Variants in ARHGEF37 observed in about 807,000 individuals in gnomAD.
The protein encoded by ARHGEF37 is Rho guanine nucleotide exchange factor 37.
ARHGEF37 carries 55 observed loss-of-function variants against 71.1 expected under a neutral mutation model. The ratio of observed to expected loss-of-function variants is 0.77; its 90% CI spans 0.62 to 0.97. The LOEUF (loss-of-function observed/expected upper bound fraction) is 0.97, where lower values mean the gene tolerates loss of function less well. Ranked by LOEUF, ARHGEF37 falls within the 50% of genes least tolerant of loss-of-function variation. The probability of loss-of-function intolerance (pLI) is 0.00; values close to 1 mark genes in which losing one functional copy is unlikely to be tolerated. For synonymous variants in ARHGEF37, 327 were observed against 350.6 expected (o/e 0.93, Z 0.75); for missense variants, 765 against 836.8 (o/e 0.91, Z 1.06).
intron 9 of ARHGEF37, 67 bp downstream of exon 9, chr5:149,622,129 A>C: frequency 6.9e-7 from 1 of 1,456,810 alleles, no homozygotes; most frequent in South Asian, 1.4e-5. Context: ...CCCATCAGCC[A>C]GCTGTGTGTA....
intron 1 of ARHGEF37, among the ~76,000 whole-genome samples, chr5:149,591,134 C>T (rs1244111097): frequency 6.6e-6 from 1 of 150,872 alleles, no homozygotes; most frequent in Non-Finnish European, 1.5e-5. Context: ...ATGGCCATGC[C>T]TTGCATGGCT....
At chr5:149,612,292 C>T (rs12515778) in intron 4 of ARHGEF37, among the ~76,000 whole-genome samples, 41,040 of 152,080 alleles carry the variant, frequency 0.27, 6,576 homozygotes, top group Admixed American at 0.44. Context: ...CTCAGCCTCC[C>T]GAGTAGCTGG....
At chr5:149,625,415 G>C (rs1012989985) in intron 10 of ARHGEF37, among the ~76,000 whole-genome samples, 1 of 152,134 alleles carries the variant, frequency 6.6e-6, no homozygotes, top group Non-Finnish European at 1.5e-5. Flanking sequence ...AGAGTCAGAA[G>C]ACAGCCCTGA....
At chr5:149,555,829 T>A (rs2113226226) in intron 1 of ARHGEF37, among the ~76,000 whole-genome samples, 1 of 150,040 alleles carries the variant, frequency 6.7e-6, no homozygotes, top group East Asian at 2.0e-4. Flanking sequence ...ATTTTAAAAC[T>A]TTTTTTTTTC....
chr5:149,615,627 C>A (rs1306588515), intron 4 of ARHGEF37, among the ~76,000 whole-genome samples: 3 of 152,060 alleles, frequency 2.0e-5, no homozygotes, highest in Admixed American at 1.3e-4. Context: ...TGTGGTGGCT[C>A]ACACCTGTAA....
At chr5:149,614,016 G>T (rs1398680557) in intron 4 of ARHGEF37, among the ~76,000 whole-genome samples, 13 of 151,516 alleles carry the variant, frequency 8.6e-5, no homozygotes, top group Admixed American at 8.6e-4. Flanking sequence ...TGCCCACCTT[G>T]GCTTCCCAAA....
chr5:149,598,439 C>CCTTCCTCTTCTTTCTT (rs1299358479), intron 2 of ARHGEF37, among the ~76,000 whole-genome samples: 1 of 147,578 alleles, frequency 6.8e-6, no homozygotes, highest in African/African-American at 2.5e-5. Flanking sequence ...TCCTTCTTCT[C>CCTTCCTCTTCTTTCTT]CTTCCTCTTC....
chr5:149,602,800 T>A (rs74677915), intron 3 of ARHGEF37, among the ~76,000 whole-genome samples: 11,575 of 152,120 alleles, frequency 0.076, 1,475 homozygotes, highest in African/African-American at 0.26. Flanking sequence ...TTCACTACAG[T>A]GGCAGAAAGG....
chr5:149,554,541 T>C (rs1266594181), intron 1 of ARHGEF37, among the ~76,000 whole-genome samples: 1 of 152,112 alleles, frequency 6.6e-6, no homozygotes, highest in East Asian at 1.9e-4. Context: ...ACACTGACAG[T>C]GCCCAGCAAA....
At chr5:149,594,125 G>A (rs1285701276) in intron 1 of ARHGEF37, among the ~76,000 whole-genome samples, 1 of 152,142 alleles carries the variant, frequency 6.6e-6, no homozygotes, top group Non-Finnish European at 1.5e-5. Context: ...CCATTACACA[G>A]GCTATAATCT....
chr5:149,561,593 A>G (rs1762832818), intron 1 of ARHGEF37, among the ~76,000 whole-genome samples: 1 of 152,194 alleles, frequency 6.6e-6, no homozygotes, highest in Non-Finnish European at 1.5e-5. Context: ...TGTTCCATCT[A>G]CTCATTGAAA....
At chr5:149,604,562 A>G (rs1296095358) in intron 3 of ARHGEF37, among the ~76,000 whole-genome samples, 1 of 151,672 alleles carries the variant, frequency 6.6e-6, no homozygotes, top group Non-Finnish European at 1.5e-5. Flanking sequence ...CCTCAGTGCA[A>G]CTGTGTGCCA....
At chr5:149,563,946 A>ATTTTTTTTT (rs570750342) in intron 1 of ARHGEF37, among the ~76,000 whole-genome samples, 2 of 124,862 alleles carry the variant, frequency 1.6e-5, no homozygotes, top group African/African-American at 6.5e-5. Context: ...ATTAGTTTAA[A>ATTTTTTTTT]TTTTTTTTTT....
intron 2 of ARHGEF37, 72 bp from the exon 3 acceptor site, chr5:149,601,036 T>C: frequency 6.5e-7 from 1 of 1,532,340 alleles, no homozygotes; most frequent in Non-Finnish European, 8.9e-7. Flanking sequence ...TGTTCTGTCC[T>C]ACTCTCAAAA....
chr5:149,562,116 A>G (rs552312343), intron 1 of ARHGEF37, among the ~76,000 whole-genome samples: 67 of 152,330 alleles, frequency 4.4e-4, no homozygotes, highest in Admixed American at 1.1e-3. Flanking sequence ...ATCACAGAAA[A>G]TGAACTAACT....
intron 3 of ARHGEF37, among the ~76,000 whole-genome samples, chr5:149,602,050 CTT>C (rs1763771958): frequency 7.2e-6 from 1 of 138,142 alleles, no homozygotes; most frequent in Non-Finnish European, 1.5e-5. Context: ...TTATGTTTTT[CTT>C]TTCTTTCTTT....
intron 1 of ARHGEF37, among the ~76,000 whole-genome samples, chr5:149,592,142 C>T (rs897544760): frequency 8.5e-5 from 13 of 152,150 alleles, no homozygotes; most frequent in Non-Finnish European, 1.5e-4. Context: ...AGGAAATGGG[C>T]ATTGGTATAA....
In ARHGEF37 at chr5:149,616,621, G is replaced by A; in HGVS notation, c.513G>A (p.Arg171=). 1 of 1,612,944 alleles carries A rather than the reference G, an allele frequency of 6.2e-7. No homozygotes were observed. Among genetic ancestry groups the A allele is most frequent in the Non-Finnish European group, 8.5e-7 (1 of 1,179,762 alleles). ...TCTTGCTGGTAATTCCTCTGCAGAG[G>A]ATCACCAGGTACCCACTGCTGCTGC... ...LSFLLVIPLQ[R]ITRYPLLLQK... is the part of the protein sequence containing the mutation. The change falls in exon 5 of 13, where the codon AGG becomes AGA. Residue 171 remains arginine (R), a synonymous_variant. Transcript: ENST00000333677.
At chr5:149,626,341 G>A (rs1242802133) in intron 10 of ARHGEF37, among the ~76,000 whole-genome samples, 2 of 151,238 alleles carry the variant, frequency 1.3e-5, no homozygotes, top group Non-Finnish European at 2.9e-5. Context: ...GTTTCTTATT[G>A]ATTTTGCAAA....
Sources: allele counts gnomAD v4.1 joint callset (sites outside exome capture counted in the v4.1 genomes callset), GRCh38; gene constraint gnomAD v4.1.1; transcripts MANE v1.5; gene names NCBI Gene and HGNC (gene_info 2026-07-23, HGNC 2026-07-21).